Variants in NEURL1 observed in about 807,000 individuals in gnomAD.
The protein encoded by NEURL1 is neuralized E3 ubiquitin protein ligase 1.
Under a neutral mutation model 41.2 loss-of-function variants are expected in NEURL1, and 26 were observed. The ratio of observed to expected loss-of-function variants is 0.63; its 90% CI spans 0.46 to 0.87. The LOEUF (loss-of-function observed/expected upper bound fraction) is 0.87, where lower values mean the gene tolerates loss of function less well. NEURL1 is among the 40% of genes least tolerant of loss of function. NEURL1 has a pLI of 0.00. For synonymous variants in NEURL1, 400 were observed against 402.3 expected, an observed-to-expected ratio of 0.99 and a Z score of 0.07; for missense variants, 761 against 871.1, an observed-to-expected ratio of 0.87 and a Z score of 1.59.
chr10:103,539,838 T>C (rs1409686502), intron 1 of NEURL1, among the ~76,000 whole-genome samples: 1 of 152,212 alleles, frequency 6.6e-6, no homozygotes, highest in Admixed American at 6.5e-5. Flanking sequence ...ATAAGGCTCC[T>C]TTAAAGAGGG....
intron 1 of NEURL1, among the ~76,000 whole-genome samples, chr10:103,516,969 C>T (rs1481415209): frequency 6.7e-6 from 1 of 149,166 alleles, no homozygotes; most frequent in Non-Finnish European, 1.5e-5. Context: ...CCTTTTCCTC[C>T]CTCCCTCCCT....
At chr10:103,512,483 C>T (rs1465465685) in intron 1 of NEURL1, among the ~76,000 whole-genome samples, 1 of 152,174 alleles carries the variant, frequency 6.6e-6, no homozygotes, top group African/African-American at 2.4e-5. Context: ...TCTGTCCCTC[C>T]AAGTAGTTTA....
At chr10:103,527,976 T>C (rs1247009175) in intron 1 of NEURL1, among the ~76,000 whole-genome samples, 1 of 152,170 alleles carries the variant, frequency 6.6e-6, no homozygotes, top group Non-Finnish European at 1.5e-5. Flanking sequence ...TCCCAGCACT[T>C]TGGGAGGCCG....
chr10:103,515,596 C>A (rs1280321444), intron 1 of NEURL1, among the ~76,000 whole-genome samples: 3 of 152,232 alleles, frequency 2.0e-5, no homozygotes, highest in Non-Finnish European at 2.9e-5. Flanking sequence ...TTCACTTCTG[C>A]AAGGTCAGTG....
At chr10:103,507,169 C>T (rs939403808) in intron 1 of NEURL1, among the ~76,000 whole-genome samples, 5 of 152,182 alleles carry the variant, frequency 3.3e-5, no homozygotes, top group Non-Finnish European at 5.9e-5. Context: ...CAGGCTCTGA[C>T]CTTGCAGGAT....
At chr10:103,567,671 T>A (rs2035454778) in intron 1 of NEURL1, among the ~76,000 whole-genome samples, 1 of 152,232 alleles carries the variant, frequency 6.6e-6, no homozygotes, top group Non-Finnish European at 1.5e-5. Context: ...AGTGCTGGGA[T>A]TACAGGTGTG....
At chr10:103,554,968 T>A (rs2035113470) in intron 1 of NEURL1, among the ~76,000 whole-genome samples, 1 of 151,960 alleles carries the variant, frequency 6.6e-6, no homozygotes, top group African/African-American at 2.4e-5. Context: ...GGGCTGTGTG[T>A]GATGGGGATG....
rs767017480 is a variant in NEURL1 at position 103,570,852 on chromosome 10, C to A, written c.86-20C>A. The A allele has an allele frequency of 1.2e-6, 2 of 1,605,116 alleles. No homozygotes were observed. The highest frequency in any genetic ancestry group is 2.2e-5 in the South Asian group (2 of 90,104). Reference sequence around the variant, plus strand: ...TTGGACCCGCCAAGTTCTCTGACACCGTGGCCTGTTCCTTTGCAGACTCTA... The same window carrying A: ...TTGGACCCGCCAAGTTCTCTGACACAGTGGCCTGTTCCTTTGCAGACTCTA... On this transcript the variant is annotated intron_variant, in intron 1 of 5. Transcript: ENST00000369780.
At chr10:103,504,734 GC>G (rs1477020786) in intron 1 of NEURL1, among the ~76,000 whole-genome samples, 1 of 152,186 alleles carries the variant, frequency 6.6e-6, no homozygotes, top group Non-Finnish European at 1.5e-5. Context: ...GAGGCCAGAG[GC>G]CCCGCTATCT....
At position 103,580,554 on chromosome 10, in the gene NEURL1, C is replaced by A. The variant is rs143856299; in HGVS notation, c.650-3982C>A. Among the ~76,000 whole-genome samples the A allele has an allele frequency of 3.1e-4, 47 of 152,286 alleles. No individual in the cohort carries two copies. In the East Asian group the frequency reaches 7.2e-3, roughly 23 times the overall value. On this transcript the variant is annotated intron_variant, in intron 3 of 5. Coordinates refer to ENST00000369780, the MANE Select transcript of NEURL1 (RefSeq NM_004210.5). ...TTGGTATCAGCTCACTCAACTGTGA[C>A]CTTTGCCGTCCCTTCTGCGGAGGGT...
At chr10:103,570,257 G>A (rs866792355) in intron 1 of NEURL1, among the ~76,000 whole-genome samples, 2 of 152,284 alleles carry the variant, frequency 1.3e-5, no homozygotes, top group Middle Eastern at 3.4e-3. Flanking sequence ...AGCCCCTGAG[G>A]CTGTGTATTA....
Position 103,585,210 on chromosome 10 carries a change from C to A in NEURL1, c.1324C>A (p.Gln442Lys). Residue 442 changes from glutamine to lysine, a missense_variant, in exon 4 of 6, where the codon CAG (glutamine) becomes AAG (lysine). Gln to Lys is a moderately conservative substitution (Grantham distance 53, BLOSUM62 1). Transcript: ENST00000369780. Reference sequence around the variant, plus strand: ...CTTCGGCCTGCACGGGACCATCACGCAGATCCGCATCCTCGGTGAGTGCCC... The same window carrying A: ...CTTCGGCCTGCACGGGACCATCACGAAGATCCGCATCCTCGGTGAGTGCCC... ...MLFGLHGTITQIRILGSTILA... is the reference protein window; with the variant it reads ...MLFGLHGTITKIRILGSTILA... 6.5e-7 allele frequency: 1 copy of A among 1,548,740 alleles called. No individual in the cohort carries two copies. The highest frequency in any genetic ancestry group is 1.2e-5 in the South Asian group (1 of 83,092).
chr10:103,494,521 G>A, intron 1 of NEURL1, 49 bp downstream of exon 1: 1 of 1,464,608 alleles, frequency 6.8e-7, no homozygotes, highest in South Asian at 1.3e-5. Flanking sequence ...GCAGGTGGAG[G>A]GCCAGGGAGG....
intron 1 of NEURL1, among the ~76,000 whole-genome samples, chr10:103,533,648 T>C (rs1002864985): frequency 6.6e-6 from 1 of 152,198 alleles, no homozygotes; most frequent in African/African-American, 2.4e-5. Context: ...ACCATTCTCC[T>C]GCCTCAGCCT....
chr10:103,543,372 G>A (rs1489059594), intron 1 of NEURL1, among the ~76,000 whole-genome samples: 1 of 152,230 alleles, frequency 6.6e-6, no homozygotes, highest in Non-Finnish European at 1.5e-5. Context: ...GGTGCTGCGA[G>A]GTCACGGCCA....
chr10:103,513,790 G>A (rs571520026), intron 1 of NEURL1, among the ~76,000 whole-genome samples: 104 of 152,138 alleles, frequency 6.8e-4, no homozygotes, highest in Admixed American at 1.2e-3. Context: ...ACAGGGGTGC[G>A]GATGAATCTG....
chr10:103,584,874 C>G lies in NEURL1; in HGVS notation c.988C>G (p.Arg330Gly), dbSNP rs2035872682. The G allele has an allele frequency of 7.0e-7, 1 of 1,426,602 alleles. No individual in the cohort carries two copies. Among genetic ancestry groups the G allele is most frequent in the Admixed American group, 3.2e-5 (1 of 31,510 alleles). 88.4% of individuals were successfully genotyped at this position (1,426,602 alleles called of 1,614,324 possible). Residue 330 changes from arginine (R) to glycine (G), a missense_variant, in exon 4 of 6, where the codon CGG becomes GGG. By Grantham distance (125) the Arg-to-Gly change is moderately radical. This residue lies in a region of NEURL1 where 443 missense variants were observed against 408.1 expected (regional missense o/e 1.09). Coordinates refer to ENST00000369780, the MANE Select transcript of NEURL1 (RefSeq NM_004210.5). ...RDERALVFTS[R>G]PVRVAETIFV... ...CGAGCGCGCGCTCGTCTTCACCAGC[C>G]GGCCCGTGCGCGTGGCCGAGACCAT...
At chr10:103,542,958 C>CA (rs1301876429) in intron 1 of NEURL1, among the ~76,000 whole-genome samples, 4 of 151,874 alleles carry the variant, frequency 2.6e-5, no homozygotes, top group Non-Finnish European at 4.4e-5. Context: ...GTCATTAAAA[C>CA]AAAAAAACGA....
In NEURL1 at chr10:103,558,089, A is replaced by G. The variant is rs1592220866; in HGVS notation, c.86-12783A>G. 3.4e-6 allele frequency: 2 copies of G among 596,964 alleles called. No homozygotes were observed. The highest frequency in any genetic ancestry group is 4.2e-6 in the Non-Finnish European group (2 of 475,212). 37.0% of individuals were successfully genotyped at this position (596,964 alleles called of 1,614,324 possible). On this transcript the variant is annotated intron_variant, in intron 1 of 5. Coordinates refer to ENST00000369780, the MANE Select transcript of NEURL1 (RefSeq NM_004210.5). The surrounding 1 kb of genome is among the most constrained non-coding windows in gnomAD (Gnocchi z 4.2). ...GAGACGGGGTTTCACCATGTTGGTC[A>G]GGCTGGTCTTGAATTCCTGACCTCG...
Sources: gnomAD v4.1 joint callset for allele counts (sites outside exome capture counted in the v4.1 genomes callset) on GRCh38, gnomAD v4.1.1 for gene constraint, gnomAD v4.1.1 regional missense constraint, Gnocchi (gnomAD v3.1) non-coding constraint, MANE v1.5 for transcripts, NCBI Gene and HGNC (gene_info 2026-07-23, HGNC 2026-07-21) for gene names.